The following NALCN variants were observed in gnomAD, a reference collection of about 807,000 sequenced individuals.
The protein encoded by NALCN is sodium leak channel, non-selective, also known as sodium leak channel NALCN.
A neutral mutation model predicts 225.3 loss-of-function variants in NALCN; 111 were observed. That is an observed-to-expected ratio of 0.49 (90% confidence interval 0.42 to 0.58). The LOEUF is 0.58. Ranked by LOEUF, NALCN falls within the 20% of genes least tolerant of loss-of-function variation. NALCN has a pLI of 0.00. For missense variants in NALCN, 1,378 were observed against 2,202.4 expected (o/e 0.63, Z 7.49); for synonymous variants, 764 against 769.0 (o/e 0.99, Z 0.11).
At chr13:101,154,193 C>T (rs956498569) in intron 15 of NALCN, among the ~76,000 whole-genome samples, 2 of 152,120 alleles carry the variant, frequency 1.3e-5, no homozygotes, top group African/African-American at 2.4e-5. Context: ...GCAATGTCAT[C>T]GATGAGGAAA....
intron 14 of NALCN, among the ~76,000 whole-genome samples, chr13:101,183,535 C>T (rs1186438765): frequency 1.3e-5 from 2 of 152,196 alleles, no homozygotes; most frequent in African/African-American, 4.8e-5. Context: ...TCTCAGCTCA[C>T]TGCAACCTCT....
intron 15 of NALCN, 54 bp from the exon 16 acceptor site, chr13:101,144,950 T>G: frequency 6.6e-7 from 1 of 1,515,054 alleles, no homozygotes; most frequent in Non-Finnish European, 8.8e-7. Flanking sequence ...TACTATTATA[T>G]ACGTTACACA....
At chr13:101,210,735 A>T (rs2140074244) in intron 13 of NALCN, among the ~76,000 whole-genome samples, 1 of 152,298 alleles carries the variant, frequency 6.6e-6, no homozygotes, top group Admixed American at 6.5e-5. Flanking sequence ...ATGCTAAGAC[A>T]TGGGCTTTCC....
chr13:101,060,632 TCTC>T (rs1452735318), intron 41 of NALCN, among the ~76,000 whole-genome samples: 3 of 152,030 alleles, frequency 2.0e-5, no homozygotes, highest in African/African-American at 7.3e-5. Context: ...TTCTATTTTT[TCTC>T]CTCTTATTTT....
chr13:101,142,977 T>A (rs774133391), intron 17 of NALCN, 103 bp downstream of exon 17: 1 of 1,365,444 alleles, frequency 7.3e-7, no homozygotes, highest in Non-Finnish European at 1.0e-6. Flanking sequence ...TTTTCATTAT[T>A]CTCTTGAGAA....
chr13:101,103,408 C>T (rs573812705), intron 25 of NALCN, 69 bp from the exon 26 acceptor site: 22 of 1,506,980 alleles, frequency 1.5e-5, no homozygotes, highest in East Asian at 4.6e-5. Context: ...TTCTGACAGC[C>T]GACTGGCCAC....
intron 13 of NALCN, among the ~76,000 whole-genome samples, chr13:101,198,565 G>C (rs1368378827): frequency 6.6e-6 from 1 of 152,188 alleles, no homozygotes; most frequent in Non-Finnish European, 1.5e-5. Context: ...GGCCATCAGA[G>C]AAATGCAAAT....
At chr13:101,341,662 T>C (rs1481603798) in intron 7 of NALCN, among the ~76,000 whole-genome samples, 1 of 152,218 alleles carries the variant, frequency 6.6e-6, no homozygotes, top group Non-Finnish European at 1.5e-5. Context: ...TTCTTTCAAT[T>C]ATGACTCATC....
chr13:101,367,205 A>G (rs2046402356), intron 6 of NALCN, among the ~76,000 whole-genome samples: 1 of 152,056 alleles, frequency 6.6e-6, no homozygotes, highest in East Asian at 1.9e-4. Flanking sequence ...CTCACAACTT[A>G]AATCTACCAT....
chr13:101,111,035 G>A (rs916451092), intron 19 of NALCN, 90 bp downstream of exon 19: 3 of 1,331,400 alleles, frequency 2.3e-6, no homozygotes. Flanking sequence ...TGGCAGCCAG[G>A]GCTGACAGCC....
chr13:101,198,076 GA>G (rs2039962340), intron 13 of NALCN, among the ~76,000 whole-genome samples: 1 of 152,116 alleles, frequency 6.6e-6, no homozygotes, highest in African/African-American at 2.4e-5. Flanking sequence ...AACAGGGTGA[GA>G]ACCAGAGAGT....
intron 13 of NALCN, among the ~76,000 whole-genome samples, chr13:101,201,853 G>A (rs2040136309): frequency 6.6e-6 from 1 of 151,964 alleles, no homozygotes. Context: ...AAAAAAAGTT[G>A]CTTTCAAAAT....
chr13:101,143,009 G>C (rs750111740), intron 17 of NALCN, 71 bp downstream of exon 17: 183 of 1,575,672 alleles, frequency 1.2e-4, no homozygotes, highest in Non-Finnish European at 1.5e-4. Context: ...GGACCCTAAA[G>C]AACTCTGCGG....
At chr13:101,129,555 T>C (rs1353725641) in intron 17 of NALCN, among the ~76,000 whole-genome samples, 7 of 152,186 alleles carry the variant, frequency 4.6e-5, no homozygotes, top group Non-Finnish European at 8.8e-5. Flanking sequence ...TCAACCATTT[T>C]CTTCAAGAAG....
At chr13:101,380,323 G>T (rs1445306566) in intron 3 of NALCN, among the ~76,000 whole-genome samples, 1 of 152,100 alleles carries the variant, frequency 6.6e-6, no homozygotes, top group Non-Finnish European at 1.5e-5. Context: ...ATATGTAAAA[G>T]AAAGATAAAG....
intron 15 of NALCN, among the ~76,000 whole-genome samples, chr13:101,169,266 T>G (rs929265408): frequency 1.3e-5 from 2 of 152,242 alleles, no homozygotes; most frequent in African/African-American, 4.8e-5. Context: ...TCTAGGTCAC[T>G]AATATCTCAA....
chr13:101,254,264 T>G (rs2042148178), intron 11 of NALCN, among the ~76,000 whole-genome samples: 2 of 148,528 alleles, frequency 1.3e-5, no homozygotes, highest in South Asian at 4.2e-4. Flanking sequence ...TCCCAGCTTC[T>G]TGGGATGCTA....
chr13:101,172,180 C>T (rs1413188462), intron 15 of NALCN, among the ~76,000 whole-genome samples: 8 of 152,166 alleles, frequency 5.3e-5, no homozygotes, highest in African/African-American at 9.6e-5. Context: ...CATACAGCGC[C>T]ATGCTTCTCT....
intron 1 of NALCN, among the ~76,000 whole-genome samples, chr13:101,408,200 C>T (rs953764989): frequency 1.3e-5 from 2 of 152,122 alleles, no homozygotes; most frequent in African/African-American, 4.8e-5. Flanking sequence ...AGAACAGAGA[C>T]GGGAATCTCC....
Sources: gnomAD v4.1 joint callset for allele counts (sites outside exome capture counted in the v4.1 genomes callset) on GRCh38, gnomAD v4.1.1 for gene constraint, MANE v1.5 for transcripts, NCBI Gene and HGNC (gene_info 2026-07-23, HGNC 2026-07-21) for gene names.